The following SLC38A6 variants were observed in gnomAD, a reference collection of about 807,000 sequenced individuals.
SLC38A6 encodes N system amino acid transporter NAT-1.
A neutral mutation model predicts 65.0 loss-of-function variants in SLC38A6; 73 were observed. The observed-to-expected ratio is 1.12, with a 90% CI of 0.93 to 1.37. The LOEUF is 1.37. SLC38A6 is among the 40% of genes most tolerant of loss of function. The pLI is 0.00. For missense variants in SLC38A6, 561 were observed against 531.1 expected, an observed-to-expected ratio of 1.06 and a Z score of -0.55; for synonymous variants, 183 against 178.8, an observed-to-expected ratio of 1.02 and a Z score of -0.19.
chr14:61,041,205 A>G (rs1416752209), intron 8 of SLC38A6, among the ~76,000 whole-genome samples: 1 of 152,072 alleles, frequency 6.6e-6, no homozygotes, highest in Non-Finnish European at 1.5e-5. Context: ...TTACCAACCT[A>G]AGCAAGGACT....
chr14:60,987,032 T>G, intron 3 of SLC38A6: 1 of 418,910 alleles, frequency 2.4e-6, no homozygotes, highest in African/African-American at 2.1e-5. Flanking sequence ...TTCTTTTTTC[T>G]TTTTCTTTGA....
intron 3 of SLC38A6, among the ~76,000 whole-genome samples, chr14:61,003,005 T>C (rs2038816631): frequency 6.6e-6 from 1 of 152,050 alleles, no homozygotes; most frequent in South Asian, 2.1e-4. Flanking sequence ...TCATAAAACT[T>C]TGATGGTAGG....
At chr14:61,052,322 C>G in intron 15 of SLC38A6, 27 bp from the exon 16 acceptor site, 1 of 1,524,742 alleles carries the variant, frequency 6.6e-7, no homozygotes, top group Non-Finnish European at 8.8e-7. Context: ...TCTTTCTTAT[C>G]TTTTATCTTT....
At position 60,981,293 on chromosome 14, in the gene SLC38A6, G is replaced by A; in HGVS notation, c.16G>A (p.Gly6Arg). The change falls in exon 1 of 16, where the codon GGG becomes AGG. Residue 6 changes from glycine to arginine, a missense_variant. By Grantham distance (125) the Gly-to-Arg change is moderately radical (BLOSUM62 -2). Coordinates refer to ENST00000267488, the MANE Select transcript of SLC38A6 (RefSeq NM_153811.3). MEASW[G>R]SFNAERGWYV... ...GGAGAGCAGCATGGAGGCGTCCTGG[G>A]GGAGCTTCAACGCTGAGCGGGGCTG... 8 of 1,607,596 alleles carry A rather than the reference G, an allele frequency of 5.0e-6. No homozygotes were observed. Among genetic ancestry groups the A allele is most frequent in the Non-Finnish European group, 6.8e-6 (8 of 1,177,310 alleles).
chr14:61,041,617 T>G (rs1435026115), intron 8 of SLC38A6, among the ~76,000 whole-genome samples: 1 of 152,146 alleles, frequency 6.6e-6, no homozygotes, highest in African/African-American at 2.4e-5. Context: ...AAACTGAATT[T>G]GGGCCTGTGC....
At chr14:61,053,205 T>C (rs571914596), downstream of SLC38A6, among the ~76,000 whole-genome samples, 1 of 152,216 alleles carries the variant, frequency 6.6e-6, no homozygotes, top group African/African-American at 2.4e-5. Flanking sequence ...AAAGACATGA[T>C]CTTATTTTTT....
intron 3 of SLC38A6, among the ~76,000 whole-genome samples, chr14:61,009,221 C>T (rs961664901): frequency 1.3e-5 from 2 of 152,080 alleles, no homozygotes; most frequent in African/African-American, 4.8e-5. Context: ...CCTAAGATCA[C>T]AAATTTACCC....
intron 15 of SLC38A6, among the ~76,000 whole-genome samples, chr14:61,061,165 C>T (rs2042826306): frequency 6.6e-6 from 1 of 152,208 alleles, no homozygotes; most frequent in Non-Finnish European, 1.5e-5. Context: ...TGAATTTTAT[C>T]AGAAGCCTTT....
At chr14:61,051,306 A>T (rs1390058326) in intron 13 of SLC38A6, among the ~76,000 whole-genome samples, 10 of 152,202 alleles carry the variant, frequency 6.6e-5, no homozygotes, top group Admixed American at 6.5e-4. Flanking sequence ...ATTTTTTGGC[A>T]TGTGACCGCC....
intron 3 of SLC38A6, among the ~76,000 whole-genome samples, chr14:61,011,686 A>G (rs1217684790): frequency 6.6e-6 from 1 of 152,162 alleles, no homozygotes; most frequent in African/African-American, 2.4e-5. Flanking sequence ...GATTACATTT[A>G]TTGATTTGCG....
chr14:61,067,819 A>G (rs2043080234), intron 15 of SLC38A6, among the ~76,000 whole-genome samples: 1 of 152,156 alleles, frequency 6.6e-6, no homozygotes, highest in Admixed American at 6.5e-5. Flanking sequence ...GCACCACTTA[A>G]GCAGTTGAGA....
intron 8 of SLC38A6, 103 bp downstream of exon 8, chr14:61,037,786 A>C: frequency 5.4e-5 from 38 of 701,808 alleles, no homozygotes; most frequent in Non-Finnish European, 8.0e-5. Flanking sequence ...AGGGTATCTC[A>C]TTTTATTTCA....
intron 1 of SLC38A6, chr14:60,982,159 T>C (rs752057163): frequency 2.2e-6 from 1 of 463,098 alleles, no homozygotes; most frequent in South Asian, 1.5e-5. Context: ...CAGCAATTCT[T>C]TAGTAATCAC....
intron 16 of SLC38A6, among the ~76,000 whole-genome samples, chr14:61,082,871 A>T (rs754548739): frequency 6.6e-6 from 1 of 152,118 alleles, no homozygotes; most frequent in African/African-American, 2.4e-5. Flanking sequence ...AGCCTTAGGG[A>T]AGTCATCTCT....
chr14:61,009,329 G>A (rs909752502), intron 3 of SLC38A6, among the ~76,000 whole-genome samples: 1 of 152,118 alleles, frequency 6.6e-6, no homozygotes, highest in East Asian at 1.9e-4. Flanking sequence ...CAATCTGCAT[G>A]TTGACATTGT....
At chr14:61,029,699 C>T (rs999887607) in intron 5 of SLC38A6, among the ~76,000 whole-genome samples, 6 of 152,176 alleles carry the variant, frequency 3.9e-5, no homozygotes, top group South Asian at 2.1e-4. Context: ...AGTTATTTAT[C>T]GGACTCTGTT....
At chr14:61,064,172 T>C (rs960480869) in intron 15 of SLC38A6, among the ~76,000 whole-genome samples, 14 of 152,202 alleles carry the variant, frequency 9.2e-5, no homozygotes, top group Non-Finnish European at 1.9e-4. Context: ...AACTAGGCAC[T>C]TAGAATGGTC....
Position 60,981,283 on chromosome 14 carries a change from G to A in SLC38A6, c.6G>A (p.Glu2=), listed in dbSNP as rs1432521399. M[E]ASWGSFNAER... is the part of the protein sequence containing the mutation. ...GTAGTCAGCTGGAGAGCAGCATGGA[G>A]GCGTCCTGGGGGAGCTTCAACGCTG... is the stretch of plus-strand genomic sequence containing the variant. Residue 2 remains glutamate (E), a synonymous_variant, in exon 1 of 16, where the codon GAG becomes GAA. Coordinates refer to ENST00000267488, the MANE Select transcript of SLC38A6 (RefSeq NM_153811.3). 5 of 1,604,164 alleles carry A rather than the reference G, an allele frequency of 3.1e-6. No individual in the cohort carries two copies. Among genetic ancestry groups the A allele is most frequent in the East Asian group, 2.2e-5 (1 of 44,532 alleles).
chr14:61,044,614 T>A (rs2042020892), intron 10 of SLC38A6, among the ~76,000 whole-genome samples: 1 of 152,162 alleles, frequency 6.6e-6, no homozygotes, highest in African/African-American at 2.4e-5. Flanking sequence ...TAAGTGGAAA[T>A]TTTTTTAGAG....
Sources: gnomAD v4.1 joint callset for allele counts (sites outside exome capture counted in the v4.1 genomes callset) on GRCh38, gnomAD v4.1.1 for gene constraint, MANE v1.5 for transcripts, NCBI Gene and HGNC (gene_info 2026-07-23, HGNC 2026-07-21) for gene names.